Variants in CSMD1 observed in about 807,000 individuals in gnomAD.
CSMD1 encodes CUB and Sushi multiple domains 1, also known as CUB and sushi domain-containing protein 1.
Under a neutral mutation model 417.5 loss-of-function variants are expected in CSMD1, and 213 were observed. The observed-to-expected ratio is 0.51, with a 90% CI of 0.46 to 0.57. The LOEUF (loss-of-function observed/expected upper bound fraction) is 0.57. Ranked by LOEUF, CSMD1 falls within the 20% of genes least tolerant of loss-of-function variation. The probability of loss-of-function intolerance (pLI) is 0.00; values close to 1 mark genes in which losing one functional copy is unlikely to be tolerated. For missense variants in CSMD1, 6,923 were observed against 4,529.7 expected, an observed-to-expected ratio of 1.53 and a Z score of -15.17; for synonymous variants, 2,862 against 1,736.8, an observed-to-expected ratio of 1.65 and a Z score of -16.11.
At chr8:4,631,118 T>G (rs193191581) in intron 2 of CSMD1, among the ~76,000 whole-genome samples, 1 of 152,224 alleles carries the variant, frequency 6.6e-6, no homozygotes, top group Non-Finnish European at 1.5e-5. Context: ...ATCCCAGCAC[T>G]TTGGGAGGCC....
At chr8:4,645,766 G>A (rs1803481367) in intron 1 of CSMD1, among the ~76,000 whole-genome samples, 1 of 152,152 alleles carries the variant, frequency 6.6e-6, no homozygotes. Context: ...GATGATGAGT[G>A]GGATTTGCCC....
chr8:3,068,913 A>C (rs755441036), intron 49 of CSMD1, among the ~76,000 whole-genome samples: 1 of 152,034 alleles, frequency 6.6e-6, no homozygotes, highest in Non-Finnish European at 1.5e-5. Context: ...ACCCCTCCCA[A>C]TTCTCATATC....
At chr8:4,802,130 G>C (rs1303904940) in intron 1 of CSMD1, among the ~76,000 whole-genome samples, 1 of 152,186 alleles carries the variant, frequency 6.6e-6, no homozygotes, top group Non-Finnish European at 1.5e-5. Context: ...CATCTGGAGG[G>C]ATCTCAAAAT....
intron 1 of CSMD1, among the ~76,000 whole-genome samples, chr8:4,669,950 G>A (rs980745099): frequency 3.3e-5 from 5 of 152,140 alleles, no homozygotes; most frequent in Non-Finnish European, 7.4e-5. Flanking sequence ...TGAGTTTCAT[G>A]TTTTATGAGG....
chr8:3,285,214 C>G (rs914978319), intron 25 of CSMD1, among the ~76,000 whole-genome samples: 7 of 152,186 alleles, frequency 4.6e-5, no homozygotes, highest in Admixed American at 3.9e-4. Flanking sequence ...CGAGTCTCAA[C>G]TGCTTTGTTT....
intron 26 of CSMD1, among the ~76,000 whole-genome samples, chr8:3,246,311 G>A (rs1227828063): frequency 6.6e-6 from 1 of 151,922 alleles, no homozygotes; most frequent in Non-Finnish European, 1.5e-5. Flanking sequence ...CTGGCTACAC[G>A]GTTCCCTGAA....
chr8:4,185,451 A>AACAGCAT (rs1488544726), intron 3 of CSMD1, among the ~76,000 whole-genome samples: 1 of 152,158 alleles, frequency 6.6e-6, no homozygotes, highest in African/African-American at 2.4e-5. Context: ...TGATTTTAAA[A>AACAGCAT]ACAGCATACA....
chr8:3,735,132 C>T (rs1796466658), intron 6 of CSMD1, among the ~76,000 whole-genome samples: 1 of 152,200 alleles, frequency 6.6e-6, no homozygotes, highest in African/African-American at 2.4e-5. Flanking sequence ...TTTCAATCAC[C>T]AGCATTTCCT....
At chr8:3,287,537 C>G (rs564903547) in intron 25 of CSMD1, among the ~76,000 whole-genome samples, 14,483 of 131,634 alleles carry the variant, frequency 0.11, 872 homozygotes, top group Non-Finnish European at 0.17. Context: ...AAGTTGGATT[C>G]CTAGGTATTT....
chr8:3,856,752 C>T (rs1380502365), intron 5 of CSMD1, among the ~76,000 whole-genome samples: 1 of 152,136 alleles, frequency 6.6e-6, no homozygotes, highest in East Asian at 1.9e-4. Flanking sequence ...TTTCCTTTGC[C>T]ATGGTGTCTT....
At chr8:4,211,852 C>G (rs1055887623) in intron 3 of CSMD1, among the ~76,000 whole-genome samples, 4 of 152,178 alleles carry the variant, frequency 2.6e-5, no homozygotes, top group African/African-American at 9.7e-5. Context: ...TGAGAAAACA[C>G]TAACTTGCTT....
Position 3,406,152 on chromosome 8 carries a change from A to G in CSMD1, c.2141T>C (p.Leu714Pro), listed in dbSNP as rs1484972712. ...INGRRFGDRF[L>P]LGSSVSFHCD... ...GTGGAAAGAAACCGAGCTCCCGAGT[A>G]GAAACCTGTCACCAAAACGTCGTCC... The change falls in exon 15 of 70, where the codon CTA (leucine) becomes CCA (proline). Residue 714 changes from leucine to proline, a missense_variant. Physicochemically the swap from Leu to Pro is moderately conservative, Grantham distance 98 (BLOSUM62 -3). Coordinates refer to ENST00000635120, the MANE Select transcript of CSMD1 (RefSeq NM_033225.6). 2 of 1,613,684 alleles carry G rather than the reference A, an allele frequency of 1.2e-6. No individual in the cohort carries two copies. Among genetic ancestry groups the G allele is most frequent in the Non-Finnish European group, 1.7e-6 (2 of 1,179,820 alleles).
At chr8:3,857,442 A>G (rs1291645140) in intron 5 of CSMD1, among the ~76,000 whole-genome samples, 1 of 152,220 alleles carries the variant, frequency 6.6e-6, no homozygotes, top group Non-Finnish European at 1.5e-5. Context: ...TCCAAGCCAG[A>G]TGGGACCTTG....
intron 5 of CSMD1, among the ~76,000 whole-genome samples, chr8:3,792,991 C>T (rs186426510): frequency 1.3e-5 from 2 of 152,166 alleles, no homozygotes; most frequent in African/African-American, 2.4e-5. Flanking sequence ...ATCCACTCTA[C>T]CACAGGTGTG....
chr8:3,992,406 G>C (rs1017055224), intron 5 of CSMD1, among the ~76,000 whole-genome samples: 6 of 152,106 alleles, frequency 3.9e-5, no homozygotes, highest in Admixed American at 6.5e-5. Context: ...ATCAGTGATT[G>C]GCTGAAGTTA....
At position 3,825,991 on chromosome 8, in the gene CSMD1, C is replaced by G. The variant is rs535364763; in HGVS notation, c.819-71949G>C. ...ACTTGGCTTTCAGCAGGATCGTATTCTTTATCACTTTATTCACTTGCCTTT... is the reference window on the plus strand; with the variant it reads ...ACTTGGCTTTCAGCAGGATCGTATTGTTTATCACTTTATTCACTTGCCTTT... On this transcript the variant is annotated intron_variant, in intron 5 of 69. Coordinates refer to ENST00000635120, the MANE Select transcript of CSMD1 (RefSeq NM_033225.6). Among the ~76,000 whole-genome samples the G allele has an allele frequency of 1.2e-3, 177 of 152,266 alleles. 1 individual carries two copies. The highest frequency in any genetic ancestry group is 4.1e-3 in the African/African-American group (170 of 41,538).
chr8:4,198,146 G>C (rs1262768924), intron 3 of CSMD1, among the ~76,000 whole-genome samples: 2 of 152,334 alleles, frequency 1.3e-5, no homozygotes, highest in East Asian at 3.9e-4. Context: ...AGTCTTAAAT[G>C]ATGATCAGCA....
intron 11 of CSMD1, among the ~76,000 whole-genome samples, chr8:3,482,779 G>C (rs1343675874): frequency 6.6e-6 from 1 of 152,142 alleles, no homozygotes; most frequent in Non-Finnish European, 1.5e-5. Flanking sequence ...TAGAGAATTT[G>C]TTCTCTGATC....
chr8:4,586,597 G>C (rs117300024), intron 2 of CSMD1, among the ~76,000 whole-genome samples: 3 of 152,032 alleles, frequency 2.0e-5, no homozygotes, highest in South Asian at 2.1e-4. Context: ...TTTTCTCTAG[G>C]ACTTTTGGAT....
Sources: gnomAD v4.1 joint callset for allele counts (sites outside exome capture counted in the v4.1 genomes callset) on GRCh38, gnomAD v4.1.1 for gene constraint, MANE v1.5 for transcripts, NCBI Gene and HGNC (gene_info 2026-07-23, HGNC 2026-07-21) for gene names.